Variants in DYNC2I1 observed in about 807,000 individuals in gnomAD.
DYNC2I1 encodes dynein 2 intermediate chain 1, also known as cytoplasmic dynein 2 intermediate chain 1.
DYNC2I1 carries 89 observed loss-of-function variants against 133.4 expected under a neutral mutation model. The ratio of observed to expected loss-of-function variants is 0.67; its 90% CI spans 0.56 to 0.80. The LOEUF (loss-of-function observed/expected upper bound fraction) is 0.80, where lower values mean the gene tolerates loss of function less well. DYNC2I1 is among the 30% of genes least tolerant of loss of function. The pLI is 0.00. For synonymous variants in DYNC2I1, 504 were observed against 484.3 expected (o/e 1.04, Z -0.54); for missense variants, 1,291 against 1,314.5 (o/e 0.98, Z 0.28).
At chr7:158,885,932 A>T (rs1450603943) in intron 6 of DYNC2I1, among the ~76,000 whole-genome samples, 1 of 151,818 alleles carries the variant, frequency 6.6e-6, no homozygotes, top group Admixed American at 6.6e-5. Flanking sequence ...ATATTTTGCA[A>T]ATCTTTATTT....
intron 1 of DYNC2I1, among the ~76,000 whole-genome samples, chr7:158,863,982 A>G (rs1356005544): frequency 2.1e-5 from 2 of 97,304 alleles, no homozygotes; most frequent in African/African-American, 4.1e-5. Context: ...TGCGGGGAGC[A>G]GGACGTCCTT....
At chr7:158,908,510 TA>T (rs1360381869) in intron 11 of DYNC2I1, among the ~76,000 whole-genome samples, 1 of 152,248 alleles carries the variant, frequency 6.6e-6, no homozygotes, top group Admixed American at 6.5e-5. Flanking sequence ...CCCTAATGCA[TA>T]AAATGTTTTT....
intron 8 of DYNC2I1, among the ~76,000 whole-genome samples, chr7:158,900,188 C>A (rs916395711): frequency 2.0e-5 from 3 of 150,432 alleles, no homozygotes; most frequent in African/African-American, 7.4e-5. Context: ...ATGGTGCGAT[C>A]TCAGCTCGCT....
At chr7:158,929,916 T>G (rs945817252) in intron 20 of DYNC2I1, among the ~76,000 whole-genome samples, 1 of 151,990 alleles carries the variant, frequency 6.6e-6, no homozygotes, top group Non-Finnish European at 1.5e-5. Context: ...CTCTGTGTTG[T>G]TTGAGAAGGA....
chr7:158,926,699 G>C (rs1481076784), intron 19 of DYNC2I1, among the ~76,000 whole-genome samples: 2 of 152,252 alleles, frequency 1.3e-5, no homozygotes, highest in Non-Finnish European at 2.9e-5. Context: ...AACGCGGAAT[G>C]AAAGTGAGAA....
chr7:158,941,874 C>A, intron 23 of DYNC2I1, 51 bp from the exon 24 acceptor site: 2 of 1,545,386 alleles, frequency 1.3e-6, no homozygotes, highest in Non-Finnish European at 1.7e-6. Context: ...GAGACCCTGT[C>A]TCAAAAAGAA....
intron 14 of DYNC2I1, among the ~76,000 whole-genome samples, chr7:158,915,423 CG>C (rs1848015494): frequency 3.7e-5 from 4 of 108,524 alleles, no homozygotes; most frequent in Admixed American, 8.7e-5. Context: ...TGTGAAACGT[CG>C]ACACGCTGGT....
In DYNC2I1 at chr7:158,934,503, A is replaced by G; in HGVS notation, c.2732A>G (p.Lys911Arg). Residue 911 changes from lysine (K) to arginine (R), a missense_variant, in exon 23 of 25, where the codon AAA (lysine) becomes AGA (arginine). Physicochemically the swap from Lys to Arg is conservative, Grantham distance 26. Coordinates refer to ENST00000407559, the MANE Select transcript of DYNC2I1 (RefSeq NM_018051.5). ...CAGCAACATGGTATAAGACCAGTGA[A>G]AGTTAATGTCATTGATTTTTCACCA... is the stretch of plus-strand genomic sequence containing the variant. ...KPQQHGIRPV[K>R]VNVIDFSPFG... is the part of the protein sequence containing the mutation. The G allele has an allele frequency of 6.4e-7, 1 of 1,566,680 alleles. No homozygotes were observed. The highest frequency in any genetic ancestry group is 8.7e-7 in the Non-Finnish European group (1 of 1,154,810).
At chr7:158,847,217 A>T in the DYNC2I1 span, among the ~76,000 whole-genome samples, 1 of 152,130 alleles carries the variant, frequency 6.6e-6, no homozygotes, top group African/African-American at 2.4e-5. Flanking sequence ...AGTTTTTTTC[A>T]CTTGGAATTT....
intron 10 of DYNC2I1, chr7:158,904,579 T>G (rs1032893909): frequency 6.6e-6 from 1 of 152,492 alleles, no homozygotes; most frequent in Non-Finnish European, 1.5e-5. Context: ...GATGTCTTTA[T>G]TCAAGTCTTA....
intron 4 of DYNC2I1, among the ~76,000 whole-genome samples, chr7:158,954,193 T>C (rs1377075004): frequency 6.6e-6 from 1 of 152,184 alleles, no homozygotes; most frequent in African/African-American, 2.4e-5. Context: ...TTGTGAGGCC[T>C]CCCCAGCCAT....
intron 5 of DYNC2I1, among the ~76,000 whole-genome samples, chr7:158,881,609 A>C (rs1428703875): frequency 6.6e-6 from 1 of 151,302 alleles, no homozygotes; most frequent in South Asian, 2.1e-4. Context: ...ATGTGCCACC[A>C]CTCCCGGCTA....
At chr7:158,917,278 G>A (rs1413383199) in intron 14 of DYNC2I1, among the ~76,000 whole-genome samples, 2 of 120,628 alleles carry the variant, frequency 1.7e-5, no homozygotes, top group Admixed American at 1.5e-4. Flanking sequence ...GTGAAACGTC[G>A]ACATGCTGGT....
At chr7:158,885,137 A>G (rs62476460) in intron 6 of DYNC2I1, among the ~76,000 whole-genome samples, 3,374 of 152,142 alleles carry the variant, frequency 0.022, 58 homozygotes, top group Admixed American at 0.052. Flanking sequence ...CCCTCTGCCC[A>G]CTGTTTATCA....
intron 3 of DYNC2I1, among the ~76,000 whole-genome samples, chr7:158,876,317 C>A (rs1470311403): frequency 6.6e-6 from 1 of 152,130 alleles, no homozygotes; most frequent in Non-Finnish European, 1.5e-5. Flanking sequence ...CCAGTCACCT[C>A]CCACCAGGTC....
chr7:158,898,896 G>A (rs1327053502), intron 8 of DYNC2I1, among the ~76,000 whole-genome samples: 1 of 150,178 alleles, frequency 6.7e-6, no homozygotes, highest in Non-Finnish European at 1.5e-5. Context: ...TTTTTAAAGT[G>A]GTTTAAATAC....
intron 4 of DYNC2I1, among the ~76,000 whole-genome samples, chr7:158,878,717 C>CATTGCTTTCTCTGT: frequency 7.0e-6 from 1 of 143,048 alleles, no homozygotes; most frequent in South Asian, 2.3e-4. Context: ...TGTGGGGAGG[C>CATTGCTTTCTCTGT]GAGGAGGGCA....
chr7:158,839,896 C>T, the DYNC2I1 span, among the ~76,000 whole-genome samples: 16 of 152,118 alleles, frequency 1.1e-4, no homozygotes, highest in African/African-American at 9.6e-5. Context: ...TCTTGTCTCG[C>T]GGCAGCCCCA....
chr7:158,854,669 T>A (rs1841130401), upstream of DYNC2I1, among the ~76,000 whole-genome samples: 1 of 152,144 alleles, frequency 6.6e-6, no homozygotes, highest in African/African-American at 2.4e-5. Context: ...AGGGGGTTTG[T>A]TTTGGGAAAG....
Sources: allele counts gnomAD v4.1 joint callset (sites outside exome capture counted in the v4.1 genomes callset), GRCh38; gene constraint gnomAD v4.1.1; transcripts MANE v1.5; gene names NCBI Gene and HGNC (gene_info 2026-07-23, HGNC 2026-07-21).